The following TMEM94 variants were observed in gnomAD, a reference collection of about 807,000 sequenced individuals.
The protein encoded by TMEM94 is transmembrane protein 94, also known as ER Mg2+ ATPase.
In TMEM94, 81 loss-of-function variants were observed where a neutral mutation model predicts 158.6. The observed-to-expected ratio is 0.51, with a 90% confidence interval of 0.43 to 0.61. The LOEUF is 0.61. Among genes scored for constraint, TMEM94 ranks in the 20% least tolerant of loss-of-function variants. TMEM94 has a pLI of 0.00. For synonymous variants in TMEM94, 751 were observed against 730.7 expected, an observed-to-expected ratio of 1.03 and a Z score of -0.45; for missense variants, 1,435 against 1,762.0, an observed-to-expected ratio of 0.81 and a Z score of 3.32.
At chr17:75,490,858 G>C in intron 11 of TMEM94, 100 bp downstream of exon 11, 10 of 1,163,316 alleles carry the variant, frequency 8.6e-6, no homozygotes, top group South Asian at 5.1e-5. Flanking sequence ...CAGGCTCTTA[G>C]AGCCCCATGT....
rs760969960 is a variant in TMEM94, at chr17:75,496,491, A to G, written c.3243+20A>G. ...GAACAGGTGGGTGCTTCGGCAGGCA[A>G]AGGAGGAGAGACGCAGGACAGGACC... On this transcript the variant is annotated intron_variant, in intron 24 of 31. Coordinates refer to ENST00000314256, the MANE Select transcript of TMEM94 (RefSeq NM_014738.6). 6.8e-6 allele frequency: 11 copies of G among 1,607,730 alleles called. No individual in the cohort carries two copies. In the Admixed American group the frequency reaches 1.0e-4, roughly 15 times the overall value.
Position 75,492,198 on chromosome 17 carries a change from C to T in TMEM94, c.1597-276C>T. The T allele has an allele frequency of 7.5e-7, 1 of 1,333,134 alleles. No homozygotes were observed. The highest frequency in any genetic ancestry group is 1.5e-5 in the African/African-American group (1 of 67,766). The allele number at this position is 1,333,134 out of a possible 1,614,324, so 82.6% of individuals were successfully genotyped here. On this transcript the variant is annotated intron_variant, in intron 14 of 31. Coordinates refer to ENST00000314256, the MANE Select transcript of TMEM94 (RefSeq NM_014738.6). This position sits in a 1 kb window ranked among gnomAD's most constrained non-coding sequence, Gnocchi z 4.4. The stretch of plus-strand genomic sequence containing the variant: ...GATGTTCCCTGGCCACAGAAGATCC[C>T]TCAACTGTGTCCTCTTTGGTCTGGC...
At chr17:75,483,073 G>A (rs2051302892) in intron 2 of TMEM94, among the ~76,000 whole-genome samples, 1 of 152,172 alleles carries the variant, frequency 6.6e-6, no homozygotes, top group Non-Finnish European at 1.5e-5. Context: ...TCTTGAAGGA[G>A]AAGCAAGAGT....
intron 2 of TMEM94, among the ~76,000 whole-genome samples, chr17:75,484,623 T>C (rs1395741460): frequency 6.6e-6 from 1 of 151,838 alleles, no homozygotes; most frequent in Non-Finnish European, 1.5e-5. Context: ...TCTTTAACTC[T>C]TAGGTTCGAG....
rs1383754392 is a variant in TMEM94 at position 75,496,286 on chromosome 17, G to T, written c.3058G>T (p.Ala1020Ser). Residue 1020 changes from alanine to serine, a missense_variant, in exon 24 of 32, where the codon GCC becomes TCC. Coordinates refer to ENST00000314256, the MANE Select transcript of TMEM94 (RefSeq NM_014738.6). ...TGTGTCCCCCACCCTGAGCAGCATT[G>T]CCCTGGATCCCCTGTACCCATCCCG... ...CLFLQSDISI[A>S]LDPLYPSRCS... 1 of 1,614,072 alleles carries T rather than the reference G, an allele frequency of 6.2e-7. No homozygotes were observed. The highest frequency in any genetic ancestry group is 1.3e-5 in the African/African-American group (1 of 74,956).
chr17:75,495,592 A>G lies in TMEM94; in HGVS notation c.2893A>G (p.Ile965Val). Residue 965 changes from isoleucine to valine, a missense_variant, in exon 22 of 32, where the codon ATT becomes GTT. Transcript: ENST00000314256. The surrounding 1 kb of genome is among the most constrained non-coding windows in gnomAD (Gnocchi z 5.6). ...IHQVRPHLQN[I>V]DNVPLLVPLF... is the part of the protein sequence containing the mutation. The stretch of plus-strand genomic sequence containing the variant: ...CCAAGTGCGGCCCCACCTGCAGAAC[A>G]TTGACAACGTGCCCCTGCTAGTGCC... 2 of 1,613,598 alleles carry G rather than the reference A, an allele frequency of 1.2e-6. No homozygotes were observed. Among genetic ancestry groups the G allele is most frequent in the South Asian group, 1.1e-5 (1 of 91,084 alleles).
At chr17:75,464,620 T>TTTCTTTCCTTCC (rs1567906728) in intron 1 of TMEM94, among the ~76,000 whole-genome samples, 1 of 89,414 alleles carries the variant, frequency 1.1e-5, no homozygotes, top group Non-Finnish European at 2.0e-5. Flanking sequence ...CCTTTCTTTC[T>TTTCTTTCCTTCC]TTCCTTCCTT....
rs1339908043 is a variant in TMEM94, at chr17:75,499,204, C to T, written c.3999-58C>T. The T allele has an allele frequency of 1.4e-5, 23 of 1,605,550 alleles. No individual in the cohort carries two copies. The Middle Eastern group carries it at 5.0e-4, about 35-fold the overall frequency. On this transcript the variant is annotated intron_variant, in intron 31 of 31. Coordinates refer to ENST00000314256, the MANE Select transcript of TMEM94 (RefSeq NM_014738.6). Reference sequence around the variant, plus strand: ...CCTCCCTCCTCCTCTGGTGTCCTGCCCCGGCCCCTGGTCTAAGGATCTTTG... The same window carrying T: ...CCTCCCTCCTCCTCTGGTGTCCTGCTCCGGCCCCTGGTCTAAGGATCTTTG...
In TMEM94 at chr17:75,491,668, C is replaced by G; in HGVS notation, c.1387-23C>G. ...AGGCCATGGGAGCCACTGGTCCTAG[C>G]CTGTGCTCCTCATTCTCTTCAGCCC... is the stretch of plus-strand genomic sequence containing the variant. On this transcript the variant is annotated intron_variant, in intron 13 of 31. Coordinates refer to ENST00000314256, the MANE Select transcript of TMEM94 (RefSeq NM_014738.6). The surrounding 1 kb of genome is among the most constrained non-coding windows in gnomAD (Gnocchi z 5.1). The G allele has an allele frequency of 1.2e-6, 2 of 1,612,542 alleles. No individual in the cohort carries two copies. The highest frequency in any genetic ancestry group is 4.5e-5 in the East Asian group (2 of 44,870).
chr17:75,472,069 G>T (rs971356294), intron 2 of TMEM94, 140 bp downstream of exon 2: 2 of 755,058 alleles, frequency 2.6e-6, no homozygotes, highest in African/African-American at 1.7e-5. Context: ...GAGTCTTGGG[G>T]GATGCGACTG....
At chr17:75,472,712 A>G (rs975558363) in intron 2 of TMEM94, among the ~76,000 whole-genome samples, 2 of 152,068 alleles carry the variant, frequency 1.3e-5, no homozygotes, top group South Asian at 2.1e-4. Context: ...GTTCCATACC[A>G]CCTACTTAAC....
In TMEM94 at chr17:75,495,063, G is replaced by T; in HGVS notation, c.2728+29G>T. ...AGGGCAAAGGCGTGGGGTGGGGACG[G>T]GGTGGCGGTGGGAGGATTCCCCTCC... is the stretch of plus-strand genomic sequence containing the variant. On this transcript the variant is annotated intron_variant, in intron 20 of 31. Coordinates refer to ENST00000314256, the MANE Select transcript of TMEM94 (RefSeq NM_014738.6). The surrounding 1 kb of genome is among the most constrained non-coding windows in gnomAD (Gnocchi z 5.6). 6.2e-7 allele frequency: 1 copy of T among 1,600,744 alleles called. No individual in the cohort carries two copies. The highest frequency in any genetic ancestry group is 1.1e-5 in the South Asian group (1 of 90,274).
intron 2 of TMEM94, among the ~76,000 whole-genome samples, chr17:75,482,200 G>C (rs1164558504): frequency 6.6e-6 from 1 of 152,110 alleles, no homozygotes; most frequent in African/African-American, 2.4e-5. Context: ...AAAAAAATTA[G>C]CCGGGCGTGG....
Position 75,490,278 on chromosome 17 carries a change from C to G in TMEM94, c.999C>G (p.Leu333=). Residue 333 remains leucine (L), a synonymous_variant, in exon 10 of 32, where the codon CTC becomes CTG. Coordinates refer to ENST00000314256, the MANE Select transcript of TMEM94 (RefSeq NM_014738.6). The part of the protein sequence containing the change: ...LPILPLLFPV[L]WVLATACGEA... ...TCCTCCCCCTGCTCTTTCCAGTCCT[C>G]TGGGTTCTGGCAACTGCCTGTGGAG... 1 of 1,614,164 alleles carries G rather than the reference C, an allele frequency of 6.2e-7. No homozygotes were observed. The highest frequency in any genetic ancestry group is 8.5e-7 in the Non-Finnish European group (1 of 1,180,042).
chr17:75,459,078 AC>A (rs2049987001), intron 1 of TMEM94, among the ~76,000 whole-genome samples: 2 of 148,726 alleles, frequency 1.3e-5, no homozygotes, highest in Non-Finnish European at 3.0e-5. Context: ...AACAAAAAAA[AC>A]AAAAACAAAT....
At chr17:75,496,151 T>C in intron 23 of TMEM94, 77 bp downstream of exon 23, 1 of 1,511,462 alleles carries the variant, frequency 6.6e-7, no homozygotes, top group South Asian at 1.2e-5. Context: ...TGCGTGGGGC[T>C]GGGGGTGTGT....
At chr17:75,493,623 G>C (rs1460383331) in intron 17 of TMEM94, 30 bp downstream of exon 17, 2 of 1,613,470 alleles carry the variant, frequency 1.2e-6, no homozygotes, top group Non-Finnish European at 1.7e-6. Context: ...CCAGCAGCAA[G>C]AGCAGTCGCG....
Position 75,489,693 on chromosome 17 carries a change from T to C in TMEM94, c.954+31T>C. ...GACCACCCTGTCCTCTCTGTCATGC[T>C]TCCCTCCGACCCGCAGGGCTGGCTC... On this transcript the variant is annotated intron_variant, in intron 9 of 31. Transcript: ENST00000314256. The surrounding 1 kb of genome is among the most constrained non-coding windows in gnomAD (Gnocchi z 5.0). The C allele has an allele frequency of 6.3e-7, 1 of 1,579,906 alleles. No homozygotes were observed. The highest frequency in any genetic ancestry group is 1.1e-5 in the South Asian group (1 of 90,436).
chr17:75,495,326 A>G lies in TMEM94; in HGVS notation c.2771A>G (p.Glu924Gly). ...DAEGLLLMEEEGHSDLISFQP... is the reference protein window; with the variant it reads ...DAEGLLLMEEGGHSDLISFQP... ...GAAGGGCTCCTCCTCATGGAGGAGG[A>G]GGGCCACTCGGACCTCATCAGCTTC... Residue 924 changes from glutamate (E) to glycine (G), a missense_variant, in exon 21 of 32, where the codon GAG becomes GGG. Glu to Gly is a moderately conservative substitution (Grantham distance 98). Coordinates refer to ENST00000314256, the MANE Select transcript of TMEM94 (RefSeq NM_014738.6). This position sits in a 1 kb window ranked among gnomAD's most constrained non-coding sequence, Gnocchi z 5.6. 1 of 1,613,500 alleles carries G rather than the reference A, an allele frequency of 6.2e-7. No individual in the cohort carries two copies. Among genetic ancestry groups the G allele is most frequent in the Non-Finnish European group, 8.5e-7 (1 of 1,179,788 alleles).
Sources: allele counts gnomAD v4.1 joint callset (sites outside exome capture counted in the v4.1 genomes callset), GRCh38; gene constraint gnomAD v4.1.1; non-coding constraint Gnocchi (gnomAD v3.1); transcripts MANE v1.5; gene names NCBI Gene and HGNC (gene_info 2026-07-23, HGNC 2026-07-21).